Variants in MKRN1 observed in about 807,000 individuals in gnomAD.
MKRN1 encodes E3 ubiquitin-protein ligase makorin-1.
MKRN1 carries 9 observed loss-of-function variants against 55.5 expected under a neutral mutation model. The ratio of observed to expected loss-of-function variants is 0.16; its 90% CI spans 0.10 to 0.28. MKRN1 has a LOEUF of 0.28. MKRN1 is among the 10% of genes least tolerant of loss of function. The pLI is 1.00. For synonymous variants in MKRN1, 253 were observed against 235.9 expected (o/e 1.07, Z -0.66); for missense variants, 488 against 626.7 (o/e 0.78, Z 2.36).
chr7:140,476,575 A>T (rs1362324817), intron 1 of MKRN1, among the ~76,000 whole-genome samples: 1 of 149,016 alleles, frequency 6.7e-6, no homozygotes, highest in East Asian at 1.9e-4. Context: ...AAGCAGAGGA[A>T]TCTTACAAAG....
chr7:140,474,492 CAA>C (rs10709936), intron 1 of MKRN1: 59 of 267,862 alleles, frequency 2.2e-4, no homozygotes, highest in South Asian at 3.9e-4. Context: ...GACTCCGTCT[CAA>C]AAAAAAAATA....
At chr7:140,473,992 CAAAAAA>C (rs750043239) in intron 1 of MKRN1, among the ~76,000 whole-genome samples, 15 of 15,218 alleles carry the variant, frequency 9.9e-4, no homozygotes, top group African/African-American at 3.1e-3. Context: ...AACTCCGTCT[CAAAAAA>C]AAAAAAAAAA....
At position 140,455,155 on chromosome 7, in the gene MKRN1, G is replaced by A. The variant is rs1314110435; in HGVS notation, c.1176C>T (p.Tyr392=). 4 of 1,613,918 alleles carry A rather than the reference G, an allele frequency of 2.5e-6. No individual in the cohort carries two copies. Among genetic ancestry groups the A allele is most frequent in the South Asian group, 2.2e-5 (2 of 91,062 alleles). ...FGGNCFYKHA[Y]PDGRREEPQR... ...GTGGCTCCTCTCTACGGCCATCAGGGTACGCATGCTTGTAAAAACAGTTCC... is the reference window on the plus strand; with the variant it reads ...GTGGCTCCTCTCTACGGCCATCAGGATACGCATGCTTGTAAAAACAGTTCC... The change falls in exon 7 of 8, where the codon TAC becomes TAT. Residue 392 remains tyrosine, a synonymous_variant. Coordinates refer to ENST00000255977, the MANE Select transcript of MKRN1 (RefSeq NM_013446.4).
chr7:140,468,632 C>T (rs1055689938), intron 2 of MKRN1, among the ~76,000 whole-genome samples: 7 of 129,090 alleles, frequency 5.4e-5, no homozygotes, highest in Non-Finnish European at 7.7e-5. Flanking sequence ...ACCAGGGAGT[C>T]GGAGGTTGCA....
At chr7:140,459,279 T>C in intron 3 of MKRN1, 46 bp from the exon 4 acceptor site, 2 of 1,583,996 alleles carry the variant, frequency 1.3e-6, no homozygotes, top group African/African-American at 1.3e-5. Flanking sequence ...AGATAAGGCA[T>C]GAACTATAAG....
In MKRN1 at chr7:140,479,190, C is replaced by A. The variant is rs1402125968; in HGVS notation, c.155G>T (p.Gly52Val). The change falls in exon 1 of 8, where the codon GGC becomes GTC. Residue 52 changes from glycine (G) to valine (V), a missense_variant. Transcript: ENST00000255977. ...GGTGACCTGTTTAGTCCAGCCGCCG[C>A]CGCTGCCGTCGCTGCCGCCGCCCCC... ...GGGGGGSDGS[G>V]GGWTKQVTCR... 2 of 1,463,792 alleles carry A rather than the reference C, an allele frequency of 1.4e-6. No individual in the cohort carries two copies. Among genetic ancestry groups the A allele is most frequent in the South Asian group, 2.7e-5 (2 of 75,258 alleles). 90.7% of individuals were successfully genotyped at this position (1,463,792 alleles called of 1,614,324 possible). A position where few individuals can be genotyped will look rare whatever the true frequency, so the allele number is the denominator to read the frequency against.
At chr7:140,477,543 T>C (rs900713374) in intron 1 of MKRN1, among the ~76,000 whole-genome samples, 66 of 152,012 alleles carry the variant, frequency 4.3e-4, no homozygotes, top group African/African-American at 1.6e-3. Context: ...AGGCTGGTCT[T>C]GAGCTCCTGA....
intron 2 of MKRN1, among the ~76,000 whole-genome samples, chr7:140,463,636 A>G (rs1236168813): frequency 1.3e-5 from 2 of 152,140 alleles, no homozygotes; most frequent in Admixed American, 6.5e-5. Flanking sequence ...CTGTAATCCC[A>G]GCACTTTGGG....
At chr7:140,460,310 C>CTTT (rs57140647) in intron 2 of MKRN1, 6 of 112,514 alleles carry the variant, frequency 5.3e-5, no homozygotes, top group South Asian at 2.9e-4. Flanking sequence ...TTTTTCTTTT[C>CTTT]TTTTTTTTTT....
At chr7:140,477,157 T>C (rs1245288621) in intron 1 of MKRN1, among the ~76,000 whole-genome samples, 3 of 150,470 alleles carry the variant, frequency 2.0e-5, no homozygotes, top group Non-Finnish European at 4.4e-5. Flanking sequence ...GAAAATAGTT[T>C]TAAGTAAGAG....
At chr7:140,459,995 C>T in intron 2 of MKRN1, 59 bp from the exon 3 acceptor site, 1 of 1,459,020 alleles carries the variant, frequency 6.9e-7, no homozygotes, top group Non-Finnish European at 9.6e-7. Flanking sequence ...GCCTGTAATC[C>T]CAACAGTTTG....
At position 140,459,166 on chromosome 7, in the gene MKRN1, T is replaced by G. The variant is rs537817510; in HGVS notation, c.612A>C (p.Gln204His). The G allele has an allele frequency of 1.2e-4, 198 of 1,613,940 alleles. 1 individual carries two copies. In the South Asian group the frequency reaches 2.1e-3, roughly 17 times the overall value. ...GCTGCTTCTTTGTCTCCACGGCGGTTTGCTCTTTCTCTGATTCTTCCTTGG... is the reference window on the plus strand; with the variant it reads ...GCTGCTTCTTTGTCTCCACGGCGGTGTGCTCTTTCTCTGATTCTTCCTTGG... ...SVTKEESEKE[Q>H]TAVETKKQLC... Residue 204 changes from glutamine to histidine, a missense_variant, in exon 4 of 8, where the codon CAA becomes CAC. This residue lies in a region of MKRN1 where 278 missense variants were observed against 406.7 expected (regional missense o/e 0.68). Transcript: ENST00000255977.
intron 2 of MKRN1, among the ~76,000 whole-genome samples, chr7:140,469,497 A>G (rs556131241): frequency 1.3e-5 from 2 of 152,328 alleles, no homozygotes; most frequent in Non-Finnish European, 2.9e-5. Context: ...AAATAACAGT[A>G]TATGACTTCT....
chr7:140,460,105 T>C lies in MKRN1; in HGVS notation c.315-169A>G, dbSNP rs1345699952. ...CACTACCAAAAACGCAAAAATTAGC[T>C]GGGCATGGTGGCGCACCTGTAATCC... On this transcript the variant is annotated intron_variant, in intron 2 of 7. Coordinates refer to ENST00000255977, the MANE Select transcript of MKRN1 (RefSeq NM_013446.4). The C allele has an allele frequency of 4.8e-6, 3 of 631,376 alleles. No homozygotes were observed. In the East Asian group the frequency reaches 8.6e-5, roughly 18 times the overall value. 39.1% of individuals were successfully genotyped at this position (631,376 alleles called of 1,614,324 possible). A position where few individuals can be genotyped will look rare whatever the true frequency, so the allele number is the denominator to read the frequency against.
chr7:140,467,626 C>A (rs1794810731), intron 2 of MKRN1, among the ~76,000 whole-genome samples: 1 of 152,106 alleles, frequency 6.6e-6, no homozygotes, highest in Non-Finnish European at 1.5e-5. Context: ...CAGAGGCTCA[C>A]CAAAATAGGG....
intron 6 of MKRN1, 65 bp from the exon 7 acceptor site, chr7:140,455,298 CG>C: frequency 6.3e-7 from 1 of 1,594,788 alleles, no homozygotes. Context: ...GACTATCATC[CG>C]GGGTTTCTTT....
intron 2 of MKRN1, 119 bp from the exon 3 acceptor site, chr7:140,460,055 C>T: frequency 1.2e-6 from 1 of 862,382 alleles, no homozygotes. Flanking sequence ...TCGAGACCAG[C>T]CTGGCCAATG....
At chr7:140,469,450 GT>G (rs930902297) in intron 2 of MKRN1, among the ~76,000 whole-genome samples, 1 of 152,116 alleles carries the variant, frequency 6.6e-6, no homozygotes, top group African/African-American at 2.4e-5. Context: ...CCCTTTACAT[GT>G]GGGCTGGACT....
chr7:140,459,567 G>GTACT, intron 3 of MKRN1, 140 bp downstream of exon 3: 1 of 812,898 alleles, frequency 1.2e-6, no homozygotes, highest in Non-Finnish European at 1.9e-6. Flanking sequence ...GTAAATCTTA[G>GTACT]GTAATCCAAA....
Sources: allele counts gnomAD v4.1 joint callset (sites outside exome capture counted in the v4.1 genomes callset), GRCh38; gene constraint gnomAD v4.1.1; regional missense constraint gnomAD v4.1.1; transcripts MANE v1.5; gene names NCBI Gene and HGNC (gene_info 2026-07-23, HGNC 2026-07-21).